KCTD1: variants seen among roughly 807,000 people sequenced by gnomAD.
The protein encoded by KCTD1 is potassium channel tetramerization domain containing 1, also known as BTB/POZ domain-containing protein KCTD1.
Under a neutral mutation model 66.0 loss-of-function variants are expected in KCTD1, and 24 were observed. The observed-to-expected ratio is 0.36, with a 90% CI of 0.26 to 0.51. KCTD1 has a LOEUF of 0.51. Among genes scored for constraint, KCTD1 ranks in the 20% least tolerant of loss-of-function variants. The pLI is 0.95. For missense variants in KCTD1, 943 were observed against 1,205.2 expected, an observed-to-expected ratio of 0.78 and a Z score of 3.22; for synonymous variants, 511 against 517.2, an observed-to-expected ratio of 0.99 and a Z score of 0.16.
upstream of KCTD1, among the ~76,000 whole-genome samples, chr18:26,551,750 AC>A (rs1323387207): frequency 6.6e-6 from 1 of 152,228 alleles, no homozygotes; most frequent in Non-Finnish European, 1.5e-5. Context: ...TCCCTTAAAA[AC>A]ATCCTGTGGT....
upstream of KCTD1, among the ~76,000 whole-genome samples, chr18:26,645,077 A>G (rs1987906007): frequency 6.6e-6 from 1 of 152,208 alleles, no homozygotes; most frequent in African/African-American, 2.4e-5. Context: ...GTTAAATTGT[A>G]CTGACAGAAT....
intron 1 of KCTD1, among the ~76,000 whole-genome samples, chr18:26,652,135 C>T (rs562281034): frequency 6.6e-6 from 1 of 152,230 alleles, no homozygotes; most frequent in South Asian, 2.1e-4. Flanking sequence ...GGTGGCTCCT[C>T]CAGAGAAAGT....
rs144816649 is a variant in KCTD1, at chr18:26,471,151, C to G, written c.2133+5364G>C. ...CAACAAAGCCGAGTATACAGCCCCC[C>G]CAGGTCTCCTGCCTGAGTCACTACA... On this transcript the variant is annotated intron_variant, in intron 3 of 4. Transcript: ENST00000580059. Among the ~76,000 whole-genome samples the G allele has an allele frequency of 1.3e-3, 197 of 152,234 alleles. 1 individual carries two copies. The highest frequency in any genetic ancestry group is 1.0e-2 in the South Asian group (48 of 4,812).
chr18:26,569,591 C>T (rs953208609), intron 1 of KCTD1, among the ~76,000 whole-genome samples: 2 of 144,100 alleles, frequency 1.4e-5, no homozygotes, highest in Admixed American at 1.4e-4. Flanking sequence ...GTGGGGGGTG[C>T]GGGGTGCACA....
Position 26,599,394 on chromosome 18 carries a change from T to C in KCTD1, c.-16+29753A>G, listed in dbSNP as rs1986838810. 4.3e-6 allele frequency: 7 copies of C among 1,610,578 alleles called. No homozygotes were observed. In the East Asian group the frequency reaches 8.9e-5, roughly 21 times the overall value. On this transcript the variant is annotated intron_variant, in intron 1 of 4. Coordinates refer to the KCTD1 transcript ENST00000317932. ...TAGCAGTTTTTAGGTCTGTCAGTAC[T>C]GCACTGCAAGAATGGCAGATTTTGG...
chr18:26,477,753 CAATA>C (rs1981423647), intron 2 of KCTD1, among the ~76,000 whole-genome samples: 1 of 152,012 alleles, frequency 6.6e-6, no homozygotes, highest in Admixed American at 6.5e-5. Context: ...ATTTTTGTTT[CAATA>C]GAAATCTTTT....
chr18:26,532,267 T>C (rs1461411830), intron 1 of KCTD1, among the ~76,000 whole-genome samples: 1,266 of 46,438 alleles, frequency 0.027, 85 homozygotes, highest in African/African-American at 0.059. Flanking sequence ...CCTTCTTTTT[T>C]TTTTTTTTTT....
At chr18:26,647,763 C>T (rs1987957584) in intron 1 of KCTD1, among the ~76,000 whole-genome samples, 1 of 151,976 alleles carries the variant, frequency 6.6e-6, no homozygotes, top group South Asian at 2.1e-4. Flanking sequence ...ATTGTGAGTT[C>T]CTGGAACTCA....
At chr18:26,617,632 T>C (rs1004361320) in intron 1 of KCTD1, among the ~76,000 whole-genome samples, 3 of 152,244 alleles carry the variant, frequency 2.0e-5, no homozygotes, top group Non-Finnish European at 4.4e-5. Context: ...TTTCAAATTA[T>C]GCCACAGCCT....
intron 2 of KCTD1, among the ~76,000 whole-genome samples, chr18:26,496,973 T>G (rs1982509560): frequency 6.6e-6 from 1 of 152,106 alleles, no homozygotes; most frequent in Non-Finnish European, 1.5e-5. Context: ...GGTTCCTATT[T>G]TATTGGTCTG....
At chr18:26,531,382 C>T (rs1314764467) in intron 1 of KCTD1, among the ~76,000 whole-genome samples, 1 of 151,956 alleles carries the variant, frequency 6.6e-6, no homozygotes, top group Admixed American at 6.6e-5. Flanking sequence ...AAATTTCAAC[C>T]ACAGGTTGAA....
intron 1 of KCTD1, among the ~76,000 whole-genome samples, chr18:26,504,590 C>T (rs1343379411): frequency 1.3e-5 from 2 of 152,026 alleles, no homozygotes; most frequent in East Asian, 3.9e-4. Context: ...CCAGGCTGGC[C>T]TTGAACTCCT....
chr18:26,626,183 T>C (rs927027208), intron 1 of KCTD1, among the ~76,000 whole-genome samples: 2 of 151,922 alleles, frequency 1.3e-5, no homozygotes, highest in Admixed American at 6.6e-5. Flanking sequence ...AAAAACCTTT[T>C]ATTGTTGGAG....
chr18:26,645,886 T>A (rs893475683), intron 1 of KCTD1, among the ~76,000 whole-genome samples: 1 of 152,174 alleles, frequency 6.6e-6, no homozygotes. Context: ...GAGCCAGAAA[T>A]CTGTGTTTTA....
chr18:26,513,173 C>T (rs963930896), intron 1 of KCTD1, among the ~76,000 whole-genome samples: 17 of 150,820 alleles, frequency 1.1e-4, no homozygotes, highest in East Asian at 5.9e-4. Flanking sequence ...CTGCAAGCTC[C>T]GCCTCCCGGG....
rs1567989468 is a variant in KCTD1, at chr18:26,548,029, C to T, written c.508G>A (p.Glu170Lys). 6.6e-7 allele frequency: 1 copy of T among 1,522,286 alleles called. No homozygotes were observed. The highest frequency in any genetic ancestry group is 8.8e-7 in the Non-Finnish European group (1 of 1,137,456). The allele number at this position is 1,522,286 out of a possible 1,614,324, so 94.3% of individuals were successfully genotyped here. ...LQRPERARLS[E>K]NTRLATRYAV... ...TAGCGGGTGGCCAGCCGGGTGTTCT[C>T]GCTCAGCCGGGCCCGCTCGGGGCGC... Residue 170 changes from glutamate to lysine, a missense_variant, in exon 1 of 5, where the codon GAG becomes AAG. Coordinates refer to ENST00000580059, the MANE Select transcript of KCTD1 (RefSeq NM_001142730.3).
chr18:26,480,990 A>G (rs1981618478), intron 2 of KCTD1, among the ~76,000 whole-genome samples: 1 of 152,202 alleles, frequency 6.6e-6, no homozygotes, highest in African/African-American at 2.4e-5. Context: ...ATCATTCATT[A>G]AGAATTTTTT....
intron 2 of KCTD1, among the ~76,000 whole-genome samples, chr18:26,490,266 C>T (rs961903905): frequency 3.9e-5 from 6 of 152,152 alleles, no homozygotes; most frequent in Non-Finnish European, 8.8e-5. Context: ...TAAAGATTTT[C>T]CTCACAACCT....
chr18:26,584,004 G>T (rs1423181577), intron 1 of KCTD1, among the ~76,000 whole-genome samples: 1 of 152,240 alleles, frequency 6.6e-6, no homozygotes, highest in African/African-American at 2.4e-5. Context: ...CACAGATCAA[G>T]AAATAAATCC....
Sources: allele counts gnomAD v4.1 joint callset (sites outside exome capture counted in the v4.1 genomes callset), GRCh38; gene constraint gnomAD v4.1.1; transcripts MANE v1.5; gene names NCBI Gene and HGNC (gene_info 2026-07-23, HGNC 2026-07-21).